Variants in SLC2A13 observed in about 807,000 individuals in gnomAD.
SLC2A13 encodes the protein solute carrier family 2 member 13.
In SLC2A13, 32 loss-of-function variants were observed where a neutral mutation model predicts 64.4. The ratio of observed to expected loss-of-function variants is 0.50; its 90% CI spans 0.37 to 0.67. The LOEUF is 0.67. Ranked by LOEUF, SLC2A13 falls within the 30% of genes least tolerant of loss-of-function variation. The pLI is 0.00. For missense variants in SLC2A13, 743 were observed against 829.2 expected (o/e 0.90, Z 1.28); for synonymous variants, 338 against 327.1 (o/e 1.03, Z -0.36).
intron 3 of SLC2A13, among the ~76,000 whole-genome samples, chr12:40,020,146 A>ATT (rs200940999): frequency 6.6e-6 from 1 of 152,140 alleles, no homozygotes; most frequent in Non-Finnish European, 1.5e-5. Flanking sequence ...GGTTTCTTTG[A>ATT]TTTTTTAAGA....
intron 3 of SLC2A13, among the ~76,000 whole-genome samples, chr12:39,978,414 A>G (rs1278817277): frequency 1.3e-5 from 2 of 152,186 alleles, no homozygotes; most frequent in African/African-American, 4.8e-5. Context: ...TGAGGTACCG[A>G]GTTCATCACA....
chr12:39,898,081 C>G (rs1261023604), intron 4 of SLC2A13, among the ~76,000 whole-genome samples: 1 of 150,268 alleles, frequency 6.7e-6, no homozygotes, highest in African/African-American at 2.5e-5. Flanking sequence ...GCAAACAATC[C>G]GTTGTTGGGA....
At chr12:39,783,312 A>G (rs1941065444) in intron 7 of SLC2A13, among the ~76,000 whole-genome samples, 1 of 152,164 alleles carries the variant, frequency 6.6e-6, no homozygotes. Flanking sequence ...GCTATTGTGA[A>G]TAGTGCCGCA....
chr12:39,912,386 C>T (rs974238286), intron 4 of SLC2A13, among the ~76,000 whole-genome samples: 1 of 151,918 alleles, frequency 6.6e-6, no homozygotes, highest in Non-Finnish European at 1.5e-5. Flanking sequence ...GATTACTTTC[C>T]CAGCCAAATC....
chr12:40,093,692 C>A (rs1938840467), intron 1 of SLC2A13, among the ~76,000 whole-genome samples: 1 of 151,186 alleles, frequency 6.6e-6, no homozygotes, highest in African/African-American at 2.4e-5. Flanking sequence ...TGGACAGAGG[C>A]TTCCCAGCAG....
chr12:39,977,251 T>A (rs1946778014), intron 3 of SLC2A13, among the ~76,000 whole-genome samples: 1 of 152,222 alleles, frequency 6.6e-6, no homozygotes, highest in Non-Finnish European at 1.5e-5. Context: ...GCTCAGTAAC[T>A]TTTCAAAGAT....
At chr12:39,858,869 G>C (rs1270375292) in intron 6 of SLC2A13, among the ~76,000 whole-genome samples, 1 of 152,190 alleles carries the variant, frequency 6.6e-6, no homozygotes, top group Non-Finnish European at 1.5e-5. Flanking sequence ...GCCTCCCAAA[G>C]TGCTGGGATT....
intron 4 of SLC2A13, among the ~76,000 whole-genome samples, chr12:39,945,080 G>T (rs534763023): frequency 6.6e-6 from 1 of 152,230 alleles, no homozygotes; most frequent in Admixed American, 6.5e-5. Context: ...CTCAGCATTT[G>T]TTTGTCTGAA....
intron 2 of SLC2A13, among the ~76,000 whole-genome samples, chr12:40,045,365 CAT>C (rs1243390645): frequency 1.3e-5 from 2 of 151,652 alleles, no homozygotes; most frequent in East Asian, 3.9e-4. Flanking sequence ...ATTTTTGAAA[CAT>C]ATTGCTATAA....
chr12:39,779,877 C>T (rs1032696316), intron 7 of SLC2A13, among the ~76,000 whole-genome samples: 3 of 152,188 alleles, frequency 2.0e-5, no homozygotes, highest in African/African-American at 4.8e-5. Flanking sequence ...ATCTCTGGCT[C>T]GTGTTTATCT....
chr12:40,056,538 G>A (rs1948336350), intron 1 of SLC2A13, among the ~76,000 whole-genome samples: 1 of 152,116 alleles, frequency 6.6e-6, no homozygotes, highest in Admixed American at 6.6e-5. Context: ...CCAAGGCAGT[G>A]AATTTAACAA....
chr12:39,984,328 A>AT (rs1352847931), intron 3 of SLC2A13, among the ~76,000 whole-genome samples: 4 of 152,112 alleles, frequency 2.6e-5, no homozygotes, highest in South Asian at 2.1e-4. Flanking sequence ...TTAAAGTATA[A>AT]TAAAAAAAAA....
intron 3 of SLC2A13, among the ~76,000 whole-genome samples, chr12:40,008,543 G>A (rs563894311): frequency 9.2e-5 from 14 of 151,992 alleles, no homozygotes; most frequent in African/African-American, 2.9e-4. Flanking sequence ...CCCAGGAGGC[G>A]GAGCTCGCTG....
chr12:39,904,885 G>A (rs76014815), intron 4 of SLC2A13, among the ~76,000 whole-genome samples: 7 of 152,118 alleles, frequency 4.6e-5, no homozygotes, highest in South Asian at 2.1e-4. Flanking sequence ...GCATTGCCTC[G>A]TCATTGTGTA....
rs187651609 is a variant in SLC2A13, at chr12:39,893,604, C to T, written c.1035-21643G>A. On this transcript the variant is annotated intron_variant, in intron 4 of 9. Transcript: ENST00000280871. ...CATGGAGCCACCACGCCAGGCCTAC[C>T]GCTCTTTTCTAATAAGAGTAAAATC... Among the ~76,000 whole-genome samples, 17 of 152,172 alleles carry T rather than the reference C, an allele frequency of 1.1e-4. No homozygotes were observed. In the East Asian group the frequency reaches 1.5e-3, roughly 14 times the overall value.
intron 1 of SLC2A13, among the ~76,000 whole-genome samples, chr12:40,052,286 C>G (rs777057809): frequency 6.6e-6 from 1 of 152,098 alleles, no homozygotes; most frequent in Non-Finnish European, 1.5e-5. Flanking sequence ...GGTCCCACCC[C>G]CTCCCTGTTT....
chr12:40,070,694 C>T (rs903794539), intron 1 of SLC2A13, among the ~76,000 whole-genome samples: 1 of 152,168 alleles, frequency 6.6e-6, no homozygotes, highest in African/African-American at 2.4e-5. Flanking sequence ...TACATCTTCC[C>T]TTAAATATCA....
chr12:39,971,519 T>C (rs1946645410), intron 3 of SLC2A13, among the ~76,000 whole-genome samples: 1 of 152,200 alleles, frequency 6.6e-6, no homozygotes. Context: ...CTGAGTCATG[T>C]CAACATCTCT....
chr12:39,908,530 T>C (rs972572732), intron 4 of SLC2A13, among the ~76,000 whole-genome samples: 1 of 150,036 alleles, frequency 6.7e-6, no homozygotes, highest in Non-Finnish European at 1.5e-5. Flanking sequence ...ATTGTGTTAG[T>C]AGAGAAGGAG....
Sources: gnomAD v4.1 joint callset for allele counts (sites outside exome capture counted in the v4.1 genomes callset) on GRCh38, gnomAD v4.1.1 for gene constraint, MANE v1.5 for transcripts, NCBI Gene and HGNC (gene_info 2026-07-23, HGNC 2026-07-21) for gene names.